Variants in DNAJC8 observed in about 807,000 individuals in gnomAD.
DNAJC8 encodes dnaJ homolog subfamily C member 8.
Under a neutral mutation model 43.2 loss-of-function variants are expected in DNAJC8, and 24 were observed. The ratio of observed to expected loss-of-function variants is 0.56; its 90% CI spans 0.40 to 0.78. DNAJC8 has a LOEUF of 0.78. Among genes scored for constraint, DNAJC8 ranks in the 30% least tolerant of loss-of-function variants. The pLI is 0.00. For missense variants in DNAJC8, 207 were observed against 299.4 expected (o/e 0.69, Z 2.28); for synonymous variants, 83 against 98.0 (o/e 0.85, Z 0.90).
chr1:28,224,111 T>C (rs1309435321), intron 2 of DNAJC8, among the ~76,000 whole-genome samples: 1 of 152,080 alleles, frequency 6.6e-6, no homozygotes, highest in Non-Finnish European at 1.5e-5. Flanking sequence ...AAAATAAACA[T>C]AAAATTACAA....
At position 28,224,290 on chromosome 1, in the gene DNAJC8, T is replaced by TG. The variant is rs1008279736; in HGVS notation, c.180+4631dup. On this transcript the variant is annotated intron_variant, in intron 2 of 8. Coordinates refer to ENST00000263697, the MANE Select transcript of DNAJC8 (RefSeq NM_014280.3). ...ATGACACTTCTTTTTATTTTTGAGA[T>TG]GGAGTCTCACTCTGTCGCCCAGGCT... 7.6e-4 allele frequency among the ~76,000 whole-genome samples: 115 copies of TG among 152,046 alleles called. 3 individuals are homozygous for TG. The highest frequency in any genetic ancestry group is 6.6e-4 in the Admixed American group (10 of 15,254).
Position 28,203,711 on chromosome 1 carries a change from C to T in DNAJC8, c.639+36G>A, listed in dbSNP as rs549615087. Reference sequence around the variant, plus strand: ...GCCACAGGAACCAAGCTGCCTTATTCTGGAATTAGAATCCCTGGCCACCTT... The same window carrying T: ...GCCACAGGAACCAAGCTGCCTTATTTTGGAATTAGAATCCCTGGCCACCTT... On this transcript the variant is annotated intron_variant, in intron 8 of 8. Transcript: ENST00000263697. 9.3e-6 allele frequency: 15 copies of T among 1,608,638 alleles called. No individual in the cohort carries two copies. In the East Asian group the frequency reaches 3.3e-4, roughly 36 times the overall value.
chr1:28,215,070 T>TTA, intron 2 of DNAJC8, 74 bp from the exon 3 acceptor site: 5 of 1,238,998 alleles, frequency 4.0e-6, no homozygotes, highest in South Asian at 1.4e-5. Flanking sequence ...TGCTCAGTAA[T>TTA]TATATATATT....
intron 2 of DNAJC8, among the ~76,000 whole-genome samples, chr1:28,227,234 C>T (rs1372131216): frequency 6.9e-6 from 1 of 145,586 alleles, no homozygotes; most frequent in Non-Finnish European, 1.5e-5. Context: ...TATGGCAAAA[C>T]CCCGTCTCTA....
chr1:28,224,303 TGTC>T (rs1192647243), intron 2 of DNAJC8, among the ~76,000 whole-genome samples: 3 of 152,190 alleles, frequency 2.0e-5, no homozygotes. Context: ...AGTCTCACTC[TGTC>T]GCCCAGGCTG....
chr1:28,203,029 C>T (rs1224292290), intron 8 of DNAJC8, among the ~76,000 whole-genome samples: 1 of 152,206 alleles, frequency 6.6e-6, no homozygotes, highest in East Asian at 1.9e-4. Context: ...CTTTCCACTG[C>T]ACCTTTCTGC....
chr1:28,219,859 TAG>T (rs1180762781), intron 2 of DNAJC8, among the ~76,000 whole-genome samples: 1 of 152,084 alleles, frequency 6.6e-6, no homozygotes, highest in East Asian at 1.9e-4. Context: ...TGTATTTCAG[TAG>T]AGATGGGGTT....
chr1:28,214,531 C>G (rs1646837884), intron 3 of DNAJC8, among the ~76,000 whole-genome samples: 1 of 152,034 alleles, frequency 6.6e-6, no homozygotes, highest in South Asian at 2.1e-4. Context: ...AAGACTCTGT[C>G]TCGAAAAATA....
At chr1:28,204,093 G>A (rs1217510378) in intron 7 of DNAJC8, among the ~76,000 whole-genome samples, 1 of 152,220 alleles carries the variant, frequency 6.6e-6, no homozygotes, top group Non-Finnish European at 1.5e-5. Context: ...GCAATCTGAG[G>A]TTTTGGGCTC....
chr1:28,214,981 G>A lies in DNAJC8; in HGVS notation c.196C>T (p.Pro66Ser). The A allele has an allele frequency of 1.9e-6, 3 of 1,607,760 alleles. No individual in the cohort carries two copies. Among genetic ancestry groups the A allele is most frequent in the Non-Finnish European group, 2.5e-6 (3 of 1,177,024 alleles). The change falls in exon 3 of 9, where the codon CCT becomes TCT. Residue 66 changes from proline (P) to serine (S), a missense_variant. Pro to Ser is a moderately conservative substitution (Grantham distance 74). This residue lies in a region of DNAJC8 where 159 missense variants were observed against 267.5 expected (regional missense o/e 0.59). Transcript: ENST00000263697. ...LNPFEVLQID[P>S]EVTDEEIKKR... Reference sequence around the variant, plus strand: ...TTTATTTCTTCATCTGTAACTTCAGGATCTATCTGAAGAACCTGGAAGTAT... The same window carrying A: ...TTTATTTCTTCATCTGTAACTTCAGAATCTATCTGAAGAACCTGGAAGTAT...
chr1:28,219,849 T>C (rs913191977), intron 2 of DNAJC8, among the ~76,000 whole-genome samples: 3 of 152,248 alleles, frequency 2.0e-5, no homozygotes, highest in African/African-American at 7.2e-5. Flanking sequence ...GCTAATTTTT[T>C]GTATTTCAGT....
chr1:28,222,044 C>CA (rs552924482), intron 2 of DNAJC8, among the ~76,000 whole-genome samples: 54 of 152,078 alleles, frequency 3.6e-4, no homozygotes, highest in African/African-American at 1.3e-3. Flanking sequence ...GTCATAGAGA[C>CA]AAAAAGTAGA....
At chr1:28,215,632 G>A (rs1372933099) in intron 2 of DNAJC8, among the ~76,000 whole-genome samples, 3 of 151,620 alleles carry the variant, frequency 2.0e-5, no homozygotes, top group Non-Finnish European at 4.4e-5. Context: ...CCACCTCCGC[G>A]GTTCAAGCGA....
At chr1:28,205,391 T>C in intron 6 of DNAJC8, 42 bp from the exon 7 acceptor site, 1 of 1,485,326 alleles carries the variant, frequency 6.7e-7, no homozygotes, top group Non-Finnish European at 9.3e-7. Context: ...GAGTAAATAT[T>C]TTTACCAGCA....
At position 28,208,511 on chromosome 1, in the gene DNAJC8, G is replaced by A. The variant is rs114402424; in HGVS notation, c.400-98C>T. ...AATATATTTAACTTTCTATAGGCAC[G>A]GGTATAGCAAAAAGTTTTCATTAAA... On this transcript the variant is annotated intron_variant, in intron 5 of 8. Coordinates refer to ENST00000263697, the MANE Select transcript of DNAJC8 (RefSeq NM_014280.3). 565 of 631,542 alleles carry A rather than the reference G, an allele frequency of 8.9e-4. 2 individuals carry two copies. In the African/African-American group the frequency reaches 9.4e-3, roughly 11 times the overall value. 39.1% of individuals were successfully genotyped at this position (631,542 alleles called of 1,614,324 possible).
intron 2 of DNAJC8, among the ~76,000 whole-genome samples, chr1:28,227,515 C>G (rs1646944987): frequency 1.3e-5 from 2 of 151,518 alleles, no homozygotes; most frequent in Admixed American, 6.6e-5. Context: ...TCGTTTGAAC[C>G]CAGGAGTTCA....
At chr1:28,225,525 AAGTAG>A (rs1646928091) in intron 2 of DNAJC8, among the ~76,000 whole-genome samples, 1 of 151,010 alleles carries the variant, frequency 6.6e-6, no homozygotes, top group South Asian at 2.1e-4. Flanking sequence ...TTCATAGACA[AAGTAG>A]AGTAGAGGTT....
chr1:28,219,565 G>A (rs1040604902), intron 2 of DNAJC8, among the ~76,000 whole-genome samples: 1 of 152,134 alleles, frequency 6.6e-6, no homozygotes, highest in Non-Finnish European at 1.5e-5. Flanking sequence ...GGACAGCTGG[G>A]CCCATTTGCA....
At chr1:28,208,883 C>T (rs1198760667) in intron 5 of DNAJC8, 1 of 152,396 alleles carries the variant, frequency 6.6e-6, no homozygotes, top group Non-Finnish European at 1.5e-5. Context: ...CCTCCTTAAA[C>T]CACATATCAT....
Sources: allele counts gnomAD v4.1 joint callset (sites outside exome capture counted in the v4.1 genomes callset), GRCh38; gene constraint gnomAD v4.1.1; regional missense constraint gnomAD v4.1.1; transcripts MANE v1.5; gene names NCBI Gene and HGNC (gene_info 2026-07-23, HGNC 2026-07-21).